The following ZNF439 variants were observed in gnomAD, a reference collection of about 807,000 sequenced individuals.
ZNF439 encodes zinc finger protein 439.
ZNF439 carries 40 observed loss-of-function variants against 47.3 expected under a neutral mutation model. That is an observed-to-expected ratio of 0.85 (90% CI 0.66 to 1.10). The LOEUF (loss-of-function observed/expected upper bound fraction) is 1.10, where lower values mean the gene tolerates loss of function less well. ZNF439 is among the 50% of genes least tolerant of loss of function. The pLI is 0.00. For missense variants in ZNF439, 556 were observed against 601.1 expected (o/e 0.93, Z 0.78); for synonymous variants, 171 against 198.8 (o/e 0.86, Z 1.18).
At chr19:11,862,849 A>G (rs1200258070) in intron 1 of ZNF439, among the ~76,000 whole-genome samples, 1 of 151,520 alleles carries the variant, frequency 6.6e-6, no homozygotes, top group Non-Finnish European at 1.5e-5. Flanking sequence ...CCCCAGTTCC[A>G]GTGATTCTTC....
intron 1 of ZNF439, 183 bp from the exon 2 acceptor site, chr19:11,866,022 A>AT: frequency 7.7e-6 from 11 of 1,427,992 alleles, no homozygotes; most frequent in Non-Finnish European, 9.1e-7. Context: ...TCTCAAAAAA[A>AT]TAAAAAAAAA....
In ZNF439 at chr19:11,868,871, T is replaced by C; in HGVS notation, c.*302T>C. On this transcript the variant is annotated 3_prime_UTR_variant, in exon 4 of 4. Coordinates refer to ENST00000682736, the MANE Select transcript of ZNF439 (RefSeq NM_001348719.2). The stretch of plus-strand genomic sequence containing the variant: ...ATAATTTCTCTTCTTTTCAAATACA[T>C]GAAAGTTGCACAGAGGAGAGGCGCC... 1 of 421,770 alleles carries C rather than the reference T, an allele frequency of 2.4e-6. No individual in the cohort carries two copies. The highest frequency in any genetic ancestry group is 4.5e-6 in the Non-Finnish European group (1 of 221,268). The allele number at this position is 421,770 out of a possible 1,614,324, so 26.1% of individuals were successfully genotyped here.
At chr19:11,864,229 A>G (rs1976614055) in intron 1 of ZNF439, among the ~76,000 whole-genome samples, 1 of 152,204 alleles carries the variant, frequency 6.6e-6, no homozygotes, top group Non-Finnish European at 1.5e-5. Flanking sequence ...CGTTCCAGAA[A>G]TGGAACAGTG....
At position 11,868,450 on chromosome 19, in the gene ZNF439, A is replaced by G; in HGVS notation, c.1396A>G (p.Thr466Ala). 6.2e-7 allele frequency: 1 copy of G among 1,614,012 alleles called. No individual in the cohort carries two copies. Among genetic ancestry groups the G allele is most frequent in the Non-Finnish European group, 8.5e-7 (1 of 1,180,002 alleles). Residue 466 changes from threonine to alanine, a missense_variant, in exon 4 of 4, where the codon ACT becomes GCT. Physicochemically the swap from Thr to Ala is moderately conservative, Grantham distance 58. Transcript: ENST00000682736. ...ACTTCGAATCCATCGTAGGATTCAC[A>G]CTGGAGAGAAACCCTATGAATGTAA... ...SQLRIHRRIHTGEKPYECKKC... is the reference protein window; with the variant it reads ...SQLRIHRRIHAGEKPYECKKC...
Position 11,868,031 on chromosome 19 carries a change from C to G in ZNF439, c.977C>G (p.Ser326Cys). The G allele has an allele frequency of 1.2e-6, 2 of 1,614,130 alleles. No homozygotes were observed. The highest frequency in any genetic ancestry group is 1.7e-6 in the Non-Finnish European group (2 of 1,180,016). The change falls in exon 4 of 4, where the codon TCT (serine) becomes TGT (cysteine). Residue 326 changes from serine (S) to cysteine (C), a missense_variant. Transcript: ENST00000682736. ...GTTCGTAGACATGAAAGGACCCACTCTAGGAAAAAACTTTATGAATGTAAG... is the reference window on the plus strand; with the variant it reads ...GTTCGTAGACATGAAAGGACCCACTGTAGGAAAAAACTTTATGAATGTAAG... ...RYVRRHERTH[S>C]RKKLYECKQC... is the part of the protein sequence containing the mutation.
chr19:11,849,185 C>G, intron 1 of ZNF439: 2 of 1,075,286 alleles, frequency 1.9e-6, no homozygotes, highest in Non-Finnish European at 2.3e-6. Flanking sequence ...GCCCGACGCC[C>G]CAGCTTGTGC....
intron 1 of ZNF439, chr19:11,865,860 T>TA (rs1413765574): frequency 3.5e-6 from 1 of 285,064 alleles, no homozygotes; most frequent in Non-Finnish European, 5.9e-6. Context: ...AAACCCTGTC[T>TA]CTACTAAAAA....
In ZNF439 at chr19:11,859,227, A is replaced by C. The variant is rs192109890; in HGVS notation, c.64-6978A>C. 8.3e-4 allele frequency among the ~76,000 whole-genome samples: 127 copies of C among 152,310 alleles called. 1 individual carries two copies. Among genetic ancestry groups the C allele is most frequent in the Non-Finnish European group, 1.4e-3 (95 of 68,034 alleles). ...ACAGGGCTCCTGCAACCCTTGCGTGATATGTAAAAAGGATTGTACTGGAAC... is the reference window on the plus strand; with the variant it reads ...ACAGGGCTCCTGCAACCCTTGCGTGCTATGTAAAAAGGATTGTACTGGAAC... On this transcript the variant is annotated intron_variant, in intron 1 of 3. Coordinates refer to ENST00000682736, the MANE Select transcript of ZNF439 (RefSeq NM_001348719.2).
chr19:11,855,700 T>C (rs969112925), intron 1 of ZNF439, among the ~76,000 whole-genome samples: 4 of 152,226 alleles, frequency 2.6e-5, no homozygotes, highest in Middle Eastern at 3.4e-3. Flanking sequence ...CCAATATGTT[T>C]TTACCTCTGT....
At chr19:11,866,099 A>T in intron 1 of ZNF439, 106 bp from the exon 2 acceptor site, 1 of 1,562,476 alleles carries the variant, frequency 6.4e-7, no homozygotes, top group Non-Finnish European at 8.6e-7. Flanking sequence ...AGCAGGGAAT[A>T]AATGTTTGGA....
In ZNF439 at chr19:11,868,803, G is replaced by T; in HGVS notation, c.*234G>T. On this transcript the variant is annotated 3_prime_UTR_variant, in exon 4 of 4. Transcript: ENST00000682736. ...TTCAATTTATGAAAGGACACACACTGGAGAGAAACCCTATGAATGTAAGAA... is the reference window on the plus strand; with the variant it reads ...TTCAATTTATGAAAGGACACACACTTGAGAGAAACCCTATGAATGTAAGAA... The T allele has an allele frequency of 1.6e-6, 1 of 607,476 alleles. No homozygotes were observed. The highest frequency in any genetic ancestry group is 3.0e-6 in the Non-Finnish European group (1 of 332,844). The allele number at this position is 607,476 out of a possible 1,614,324, so 37.6% of individuals were successfully genotyped here.
intron 1 of ZNF439, 187 bp downstream of exon 1, chr19:11,849,117 C>T: frequency 8.6e-7 from 1 of 1,161,730 alleles, no homozygotes; most frequent in Non-Finnish European, 1.1e-6. Flanking sequence ...CTGTCCCGTC[C>T]CTGCCCGTCG....
chr19:11,865,297 T>C (rs577576864), intron 1 of ZNF439, among the ~76,000 whole-genome samples: 1 of 152,138 alleles, frequency 6.6e-6, no homozygotes, highest in African/African-American at 2.4e-5. Flanking sequence ...GTCTTGTTTT[T>C]TTCAGTAATG....
intron 1 of ZNF439, chr19:11,851,037 A>G (rs1568252464): frequency 6.6e-6 from 1 of 152,188 alleles, no homozygotes; most frequent in African/African-American, 2.4e-5. Flanking sequence ...ATCTCAAAAA[A>G]CAAAAACAAA....
chr19:11,868,635 C>A lies in ZNF439; in HGVS notation c.*66C>A. 1 of 1,501,012 alleles carries A rather than the reference C, an allele frequency of 6.7e-7. No homozygotes were observed. The highest frequency in any genetic ancestry group is 9.1e-7 in the Non-Finnish European group (1 of 1,098,024). The allele number at this position is 1,501,012 out of a possible 1,614,324, so 93.0% of individuals were successfully genotyped here. On this transcript the variant is annotated 3_prime_UTR_variant, in exon 4 of 4. Coordinates refer to ENST00000682736, the MANE Select transcript of ZNF439 (RefSeq NM_001348719.2). ...TTTCAAACACATGAAAAAATTCACA[C>A]TGGAGAGAAACCCTATAAATGCAAG... is the stretch of plus-strand genomic sequence containing the variant.
intron 1 of ZNF439, among the ~76,000 whole-genome samples, chr19:11,864,963 A>G (rs1285355784): frequency 2.0e-5 from 3 of 152,024 alleles, no homozygotes; most frequent in African/African-American, 4.8e-5. Context: ...TATTTTTAGT[A>G]GAGACAAGGT....
intron 3 of ZNF439, among the ~76,000 whole-genome samples, 170 bp downstream of exon 3, chr19:11,866,767 T>C (rs1976696805): frequency 6.6e-6 from 1 of 152,176 alleles, no homozygotes; most frequent in Non-Finnish European, 1.5e-5. Flanking sequence ...GAGGGCTCAC[T>C]CCTGTAATCC....
chr19:11,853,718 CCTTT>C (rs1156898558), intron 1 of ZNF439, among the ~76,000 whole-genome samples: 1 of 152,148 alleles, frequency 6.6e-6, no homozygotes, highest in Admixed American at 6.5e-5. Flanking sequence ...AACATCTCTC[CCTTT>C]CTGTTTATGC....
chr19:11,849,834 T>C, intron 1 of ZNF439: 1 of 152,200 alleles, frequency 6.6e-6, no homozygotes, highest in Non-Finnish European at 1.5e-5. Context: ...TGCGTGGCCT[T>C]AGGTCTTGTT....
Sources: gnomAD v4.1 joint callset for allele counts (sites outside exome capture counted in the v4.1 genomes callset) on GRCh38, gnomAD v4.1.1 for gene constraint, MANE v1.5 for transcripts, NCBI Gene and HGNC (gene_info 2026-07-23, HGNC 2026-07-21) for gene names.